NCAM2: variants seen among roughly 807,000 people sequenced by gnomAD.
NCAM2 encodes N-CAM-2.
In NCAM2, 30 loss-of-function variants were observed where a neutral mutation model predicts 98.1. The ratio of observed to expected loss-of-function variants is 0.31; its 90% CI spans 0.23 to 0.41. The LOEUF is 0.41. Among genes scored for constraint, NCAM2 ranks in the 10% least tolerant of loss-of-function variants. The pLI is 1.00. For missense variants in NCAM2, 867 were observed against 1,005.8 expected (o/e 0.86, Z 1.87); for synonymous variants, 368 against 342.4 (o/e 1.07, Z -0.83).
At chr21:21,411,153 T>TATATGTATATATATAC (rs2076877733) in intron 10 of NCAM2, among the ~76,000 whole-genome samples, 2 of 107,400 alleles carry the variant, frequency 1.9e-5, no homozygotes, top group South Asian at 5.7e-4. Context: ...TATATACATA[T>TATATGTATATATATAC]ATATATGGAA....
intron 1 of NCAM2, among the ~76,000 whole-genome samples, chr21:21,133,084 G>A (rs1295338425): frequency 1.3e-5 from 2 of 151,942 alleles, no homozygotes; most frequent in South Asian, 2.1e-4. Context: ...CTATCTTTTT[G>A]TATGTGACTT....
At chr21:21,136,614 A>G (rs1215819859) in intron 1 of NCAM2, among the ~76,000 whole-genome samples, 4 of 141,424 alleles carry the variant, frequency 2.8e-5, no homozygotes, top group African/African-American at 1.1e-4. Context: ...GGTGCAGGCC[A>G]CCACGCCTGT....
intron 1 of NCAM2, among the ~76,000 whole-genome samples, chr21:21,139,056 G>A (rs918162353): frequency 1.3e-5 from 2 of 152,114 alleles, no homozygotes; most frequent in South Asian, 2.1e-4. Context: ...AAGGATCTTC[G>A]CTTATGTAAT....
intron 13 of NCAM2, among the ~76,000 whole-genome samples, chr21:21,467,211 T>C (rs1285925671): frequency 1.3e-5 from 2 of 151,786 alleles, no homozygotes; most frequent in Admixed American, 6.6e-5. Flanking sequence ...AACTATCATA[T>C]TTTGGGGAAT....
At chr21:21,106,979 C>T (rs80200760) in intron 1 of NCAM2, among the ~76,000 whole-genome samples, 265 of 152,112 alleles carry the variant, frequency 1.7e-3, no homozygotes, top group African/African-American at 5.8e-3. Flanking sequence ...TAAGAAATAT[C>T]TTATCCATTA....
chr21:21,268,302 G>T (rs530649614), intron 1 of NCAM2, among the ~76,000 whole-genome samples: 2 of 152,286 alleles, frequency 1.3e-5, no homozygotes, highest in East Asian at 1.9e-4. Context: ...AATGACTGAA[G>T]CTACATTGTG....
chr21:21,515,292 G>A (rs183922415), intron 16 of NCAM2, among the ~76,000 whole-genome samples: 27 of 152,264 alleles, frequency 1.8e-4, no homozygotes, highest in African/African-American at 6.5e-4. Flanking sequence ...GGCTATTCAT[G>A]AGGGTCATGA....
At chr21:21,455,263 C>G (rs1981970393) in intron 12 of NCAM2, among the ~76,000 whole-genome samples, 1 of 136,784 alleles carries the variant, frequency 7.3e-6, no homozygotes, top group African/African-American at 2.7e-5. Flanking sequence ...TGACTCAATA[C>G]AGCCAGGATA....
intron 1 of NCAM2, among the ~76,000 whole-genome samples, chr21:21,111,410 A>T (rs1275569330): frequency 1.3e-5 from 2 of 152,184 alleles, no homozygotes; most frequent in Non-Finnish European, 2.9e-5. Context: ...GGCAGAAGTG[A>T]TATCAGGCTA....
In NCAM2 at chr21:21,313,702, C is replaced by G. The variant is rs140569961; in HGVS notation, c.620-10681C>G. The stretch of plus-strand genomic sequence containing the variant: ...GCCATTTACACTTCATTCAGATTTA[C>G]ACATCATTCATTTAAAATGTTATTT... On this transcript the variant is annotated intron_variant, in intron 5 of 17. Coordinates refer to ENST00000400546, the MANE Select transcript of NCAM2 (RefSeq NM_004540.5). Among the ~76,000 whole-genome samples, 3 of 152,118 alleles carry G rather than the reference C, an allele frequency of 2.0e-5. No individual in the cohort carries two copies. In the East Asian group the frequency reaches 5.8e-4, roughly 29 times the overall value.
chr21:21,454,252 C>A lies in NCAM2; in HGVS notation c.1655-12354C>A, dbSNP rs575237914. The stretch of plus-strand genomic sequence containing the variant: ...AAGTGAGAATATAATCACAAAAATT[C>A]TTCCCTAATTCATATTAAATTGTAT... On this transcript the variant is annotated intron_variant, in intron 12 of 17. Transcript: ENST00000400546. Among the ~76,000 whole-genome samples, 9 of 151,946 alleles carry A rather than the reference C, an allele frequency of 5.9e-5. No homozygotes were observed. The South Asian group carries it at 1.9e-3, about 31-fold the overall frequency.
intron 16 of NCAM2, among the ~76,000 whole-genome samples, chr21:21,523,267 A>T (rs551386928): frequency 6.6e-6 from 1 of 152,150 alleles, no homozygotes; most frequent in South Asian, 2.1e-4. Context: ...CTTTGCCCAG[A>T]CCAATGTCCT....
At chr21:21,219,191 A>ATTAGTG (rs1036485941) in intron 1 of NCAM2, among the ~76,000 whole-genome samples, 1 of 152,100 alleles carries the variant, frequency 6.6e-6, no homozygotes, top group Non-Finnish European at 1.5e-5. Context: ...ATCAGCTATT[A>ATTAGTG]TTAGTGTTAG....
chr21:21,291,331 G>A (rs1463792994), intron 4 of NCAM2, among the ~76,000 whole-genome samples: 4 of 151,870 alleles, frequency 2.6e-5, no homozygotes, highest in African/African-American at 9.7e-5. Flanking sequence ...ATGGCAGCAA[G>A]ATTGAGATGC....
intron 10 of NCAM2, among the ~76,000 whole-genome samples, chr21:21,414,883 T>C (rs1358499387): frequency 1.3e-5 from 2 of 152,112 alleles, no homozygotes; most frequent in Non-Finnish European, 2.9e-5. Flanking sequence ...TATCTTTGTA[T>C]ATGTCTATCA....
intron 1 of NCAM2, among the ~76,000 whole-genome samples, chr21:21,123,363 C>CTCTA (rs2066716915): frequency 6.6e-6 from 1 of 150,638 alleles, no homozygotes; most frequent in Admixed American, 6.6e-5. Flanking sequence ...CGCCACTGCA[C>CTCTA]TCTAGCCTGG....
chr21:21,199,946 A>G (rs1362315425), intron 1 of NCAM2, among the ~76,000 whole-genome samples: 1 of 152,116 alleles, frequency 6.6e-6, no homozygotes, highest in South Asian at 2.1e-4. Flanking sequence ...TGGCCACTAA[A>G]GAGAGAATTC....
At chr21:21,428,836 T>C (rs1051047416) in intron 11 of NCAM2, among the ~76,000 whole-genome samples, 1 of 152,242 alleles carries the variant, frequency 6.6e-6, no homozygotes, top group African/African-American at 2.4e-5. Flanking sequence ...TGTATCTTTG[T>C]ATATAATTTT....
intron 5 of NCAM2, among the ~76,000 whole-genome samples, chr21:21,298,579 T>TGATA (rs1295241565): frequency 1.5e-5 from 2 of 135,576 alleles, no homozygotes; most frequent in African/African-American, 5.7e-5. Flanking sequence ...ACTAGAGAAA[T>TGATA]GATAGATACA....
Sources: allele counts gnomAD v4.1 joint callset (sites outside exome capture counted in the v4.1 genomes callset), GRCh38; gene constraint gnomAD v4.1.1; transcripts MANE v1.5; gene names NCBI Gene and HGNC (gene_info 2026-07-23, HGNC 2026-07-21).